The following NELL1 variants were observed in gnomAD, a reference collection of about 807,000 sequenced individuals.
NELL1 encodes neural EGFL like 1.
Under a neutral mutation model 107.4 loss-of-function variants are expected in NELL1, and 76 were observed. That is an observed-to-expected ratio of 0.71 (90% CI 0.59 to 0.86). The LOEUF (loss-of-function observed/expected upper bound fraction) is 0.86. Among genes scored for constraint, NELL1 ranks in the 40% least tolerant of loss-of-function variants. NELL1 has a pLI of 0.00. For missense variants in NELL1, 1,024 were observed against 1,005.5 expected, an observed-to-expected ratio of 1.02 and a Z score of -0.25; for synonymous variants, 353 against 341.2, an observed-to-expected ratio of 1.03 and a Z score of -0.38.
intron 13 of NELL1, among the ~76,000 whole-genome samples, chr11:21,153,836 G>A (rs945568768): frequency 6.6e-6 from 1 of 152,082 alleles, no homozygotes; most frequent in Admixed American, 6.6e-5. Flanking sequence ...TCCAAGTCAT[G>A]CCCTTTCTAC....
intron 15 of NELL1, among the ~76,000 whole-genome samples, chr11:21,525,865 C>T (rs1273538195): frequency 6.6e-6 from 1 of 152,148 alleles, no homozygotes; most frequent in Non-Finnish European, 1.5e-5. Flanking sequence ...CTCCACCTGG[C>T]CCCACCCTTG....
chr11:20,819,135 A>G (rs995369969), intron 3 of NELL1, among the ~76,000 whole-genome samples: 14 of 152,108 alleles, frequency 9.2e-5, no homozygotes, highest in Non-Finnish European at 2.1e-4. Context: ...TACTTTTATC[A>G]TGCAGTGCTT....
intron 3 of NELL1, among the ~76,000 whole-genome samples, chr11:20,806,583 G>T (rs988658249): frequency 1.3e-5 from 2 of 152,056 alleles, no homozygotes; most frequent in African/African-American, 4.8e-5. Context: ...ACTTCCTCTA[G>T]ATTTGGGAAG....
Position 21,229,380 on chromosome 11 carries a change from TCTGCACCAACACTGTCCAGGGACACAG to T in NELL1, c.1483_1509del (p.Asn495_Thr503del). On this transcript the variant is annotated inframe_deletion, in exon 14 of 20. Transcript: ENST00000357134. ...CAGCACAACTGTGATGAGAATGCCATCTGCACCAACACTGTCCAGGGACACAGCTGCACCTGCAAACCGGGCTACGTG... is the reference window on the plus strand; with the variant it reads ...CAGCACAACTGTGATGAGAATGCCATCTGCACCTGCAAACCGGGCTACGTG... 6.2e-7 allele frequency: 1 copy of T among 1,614,002 alleles called. No homozygotes were observed. Among genetic ancestry groups the T allele is most frequent in the Non-Finnish European group, 8.5e-7 (1 of 1,179,912 alleles).
In NELL1 at chr11:21,019,715, G is replaced by T. The variant is rs77934648; in HGVS notation, c.1300+59155G>T. ...TGATCTCAAATCCCAATACTGCTGT[G>T]GTTGAGACACAATGATGTATCTTAT... On this transcript the variant is annotated intron_variant, in intron 12 of 19. Coordinates refer to ENST00000357134, the MANE Select transcript of NELL1 (RefSeq NM_006157.5). Among the ~76,000 whole-genome samples the T allele has an allele frequency of 8.9e-3, 1,349 of 152,102 alleles. 22 individuals are homozygous for T. Among genetic ancestry groups the T allele is most frequent in the African/African-American group, 0.031 (1,286 of 41,522 alleles).
chr11:21,526,661 C>T (rs1185544767), intron 15 of NELL1, among the ~76,000 whole-genome samples: 1 of 152,230 alleles, frequency 6.6e-6, no homozygotes, highest in Non-Finnish European at 1.5e-5. Context: ...CAATTCTTGA[C>T]TTCTGGGCAC....
At chr11:20,997,065 GA>G (rs1208582040) in intron 12 of NELL1, among the ~76,000 whole-genome samples, 1 of 151,836 alleles carries the variant, frequency 6.6e-6, no homozygotes. Flanking sequence ...TATAAGGGAA[GA>G]AAAAAACAAC....
chr11:21,366,243 C>G (rs890095395), intron 14 of NELL1, among the ~76,000 whole-genome samples: 1 of 152,112 alleles, frequency 6.6e-6, no homozygotes, highest in Non-Finnish European at 1.5e-5. Context: ...GACTTATCCG[C>G]TGAGTTCCAG....
rs1858396439 is a variant in NELL1, at chr11:21,242,749, C to T, written c.1549+13295C>T. Among the ~76,000 whole-genome samples the T allele has an allele frequency of 3.9e-5, 6 of 152,120 alleles. No individual in the cohort carries two copies. In the South Asian group the frequency reaches 1.2e-3, roughly 31 times the overall value. The stretch of plus-strand genomic sequence containing the variant: ...TGTCATCACCACTTTTCTCTGGCTT[C>T]AATCAAATTAAAGACAGTTGCTTTT... On this transcript the variant is annotated intron_variant, in intron 14 of 19. Transcript: ENST00000357134.
At chr11:20,726,767 C>A (rs558745201) in intron 2 of NELL1, among the ~76,000 whole-genome samples, 3 of 150,006 alleles carry the variant, frequency 2.0e-5, no homozygotes, top group African/African-American at 7.4e-5. Flanking sequence ...CCATGACAGG[C>A]CTCCATGTGT....
chr11:20,898,911 C>T (rs942458699), intron 5 of NELL1, among the ~76,000 whole-genome samples: 10 of 151,902 alleles, frequency 6.6e-5, no homozygotes, highest in African/African-American at 1.9e-4. Flanking sequence ...GTGTTTATGT[C>T]AAGTTAATTC....
intron 17 of NELL1, among the ~76,000 whole-genome samples, chr11:21,566,071 C>T (rs150644942): frequency 1.7e-3 from 252 of 151,964 alleles, no homozygotes; most frequent in African/African-American, 5.7e-3. Context: ...GTCCCAAATA[C>T]TCAATTCTGC....
chr11:20,846,960 A>T (rs1254910803), intron 3 of NELL1, among the ~76,000 whole-genome samples: 1 of 152,208 alleles, frequency 6.6e-6, no homozygotes, highest in Non-Finnish European at 1.5e-5. Context: ...GAAAAACAGG[A>T]TCATAATCCT....
intron 16 of NELL1, among the ~76,000 whole-genome samples, chr11:21,544,446 G>A (rs1282481157): frequency 6.6e-6 from 1 of 151,922 alleles, no homozygotes; most frequent in Non-Finnish European, 1.5e-5. Context: ...AGGGAAGAAA[G>A]TGATTAGAGA....
chr11:21,101,742 C>G (rs556457751), intron 12 of NELL1, among the ~76,000 whole-genome samples: 2 of 152,074 alleles, frequency 1.3e-5, no homozygotes, highest in African/African-American at 2.4e-5. Flanking sequence ...GATATTAGCC[C>G]TTTGTCAGAT....
At chr11:21,469,315 G>A (rs547716196) in intron 15 of NELL1, among the ~76,000 whole-genome samples, 54 of 152,060 alleles carry the variant, frequency 3.6e-4, no homozygotes, top group African/African-American at 1.2e-3. Context: ...GGTGGATTTT[G>A]TATGAGCCCT....
intron 13 of NELL1, among the ~76,000 whole-genome samples, chr11:21,153,650 A>C (rs773066421): frequency 2.0e-5 from 3 of 152,158 alleles, no homozygotes; most frequent in Non-Finnish European, 2.9e-5. Context: ...TATTTATCAC[A>C]CTTACTATCA....
In NELL1 at chr11:21,370,861, G is replaced by C. The variant is rs1237308145; in HGVS notation, c.1558G>C (p.Glu520Gln). 3 of 1,611,404 alleles carry C rather than the reference G, an allele frequency of 1.9e-6. No homozygotes were observed. The highest frequency in any genetic ancestry group is 2.5e-6 in the Non-Finnish European group (3 of 1,178,626). Residue 520 changes from glutamate (E) to glutamine (Q), a missense_variant, in exon 15 of 20, where the codon GAA (glutamate) becomes CAA (glutamine). Transcript: ENST00000357134. Reference sequence around the variant, plus strand: ...TTGTTCTCTTGCAACAGCTTTCTGTGAAGAGGGCTGCAGATACGGTGGAAC... The same window carrying C: ...TTGTTCTCTTGCAACAGCTTTCTGTCAAGAGGGCTGCAGATACGGTGGAAC... ...GNGTICRAFC[E>Q]EGCRYGGTCV... is the part of the protein sequence containing the mutation.
intron 12 of NELL1, among the ~76,000 whole-genome samples, chr11:21,039,920 A>G (rs571864932): frequency 8.5e-5 from 13 of 152,264 alleles, no homozygotes; most frequent in Non-Finnish European, 1.6e-4. Context: ...ATTTTGTTGC[A>G]ATGGATGCAA....
Sources: allele counts gnomAD v4.1 joint callset (sites outside exome capture counted in the v4.1 genomes callset), GRCh38; gene constraint gnomAD v4.1.1; transcripts MANE v1.5; gene names NCBI Gene and HGNC (gene_info 2026-07-23, HGNC 2026-07-21).